GTPBP1: variants seen among roughly 807,000 people sequenced by gnomAD.
GTPBP1 encodes GTP binding protein 1, also known as GTP-binding protein 1.
Under a neutral mutation model 62.0 loss-of-function variants are expected in GTPBP1, and 23 were observed. The observed-to-expected ratio is 0.37, with a 90% CI of 0.27 to 0.53. GTPBP1 has a LOEUF of 0.53. GTPBP1 is among the 20% of genes least tolerant of loss of function. The pLI, the probability that GTPBP1 is intolerant of heterozygous loss-of-function variation, is 0.89. For missense variants in GTPBP1, 640 were observed against 917.3 expected (o/e 0.70, Z 3.90); for synonymous variants, 344 against 364.4 (o/e 0.94, Z 0.64).
chr22:38,735,316 A>G, downstream of GTPBP1: 1 of 444,592 alleles, frequency 2.2e-6, no homozygotes, highest in Non-Finnish European at 4.5e-6. Context: ...GCCTGGTTAG[A>G]TGTGGGGGCC....
At chr22:38,711,991 C>T (rs1451566694) in intron 2 of GTPBP1, among the ~76,000 whole-genome samples, 1 of 152,124 alleles carries the variant, frequency 6.6e-6, no homozygotes, top group Non-Finnish European at 1.5e-5. Flanking sequence ...AGCAGTTCTT[C>T]TGCCTCAGCC....
chr22:38,742,155 A>G (rs1228834819), downstream of GTPBP1: 7 of 1,116,768 alleles, frequency 6.3e-6, no homozygotes, highest in African/African-American at 1.6e-5. Flanking sequence ...AAAGAAAAAA[A>G]AAAAAGAAAA....
rs1173709259 is a variant in GTPBP1 at position 38,715,896 on chromosome 22, C to T, written c.305-11C>T. On this transcript the variant is annotated splice_polypyrimidine_tract_variant and intron_variant, in intron 2 of 11. Transcript: ENST00000216044. ...TCCCTCTCCTGCTGATGTCTGGGCT[C>T]TTGTCACCAGATGGGACTGAGTATG... 1.3e-6 allele frequency: 2 copies of T among 1,596,436 alleles called. No individual in the cohort carries two copies. Among genetic ancestry groups the T allele is most frequent in the Non-Finnish European group, 1.7e-6 (2 of 1,170,938 alleles).
chr22:38,733,892 G>A (rs75044142), downstream of GTPBP1, among the ~76,000 whole-genome samples: 86 of 152,324 alleles, frequency 5.6e-4, no homozygotes, highest in Non-Finnish European at 9.7e-4. Flanking sequence ...CCCAGGCTCT[G>A]GACTCTTGCC....
intron 2 of GTPBP1, among the ~76,000 whole-genome samples, chr22:38,714,082 G>T (rs1356288186): frequency 6.6e-6 from 1 of 152,332 alleles, no homozygotes; most frequent in South Asian, 2.1e-4. Context: ...CAGGTGATGC[G>T]TGAGCAGGGT....
chr22:38,711,791 T>C (rs1255043425), intron 2 of GTPBP1, among the ~76,000 whole-genome samples: 2 of 151,962 alleles, frequency 1.3e-5, no homozygotes, highest in Non-Finnish European at 2.9e-5. Context: ...TGCAGTGAGC[T>C]GAGATGGCGA....
intron 1 of GTPBP1, among the ~76,000 whole-genome samples, chr22:38,707,123 A>G (rs150222279): frequency 1.3e-5 from 2 of 152,332 alleles, no homozygotes; most frequent in African/African-American, 4.8e-5. Flanking sequence ...ATTTAAGAAG[A>G]CACCTAATAG....
intron 10 of GTPBP1, chr22:38,728,962 G>GA (rs2092741389): frequency 6.5e-6 from 1 of 153,080 alleles, no homozygotes; most frequent in South Asian, 2.1e-4. Flanking sequence ...TGGTCTCTTC[G>GA]GGAGGCCCTG....
At chr22:38,711,804 G>A (rs928262597) in intron 2 of GTPBP1, among the ~76,000 whole-genome samples, 1 of 151,984 alleles carries the variant, frequency 6.6e-6, no homozygotes, top group African/African-American at 2.4e-5. Context: ...GATGGCGAGA[G>A]TGAGACTCTA....
downstream of GTPBP1, chr22:38,739,091 G>T: frequency 8.3e-7 from 1 of 1,206,864 alleles, no homozygotes. This position sits in a 1 kb window ranked among gnomAD's most constrained non-coding sequence, Gnocchi z 6.7. Flanking sequence ...GATGCCCCAG[G>T]CCTAGCCTTT....
downstream of GTPBP1, among the ~76,000 whole-genome samples, chr22:38,741,839 A>C (rs1483125008): frequency 6.6e-6 from 1 of 152,204 alleles, no homozygotes; most frequent in Non-Finnish European, 1.5e-5. Flanking sequence ...CAGGAAACTG[A>C]GGCTTAGAGA....
At chr22:38,707,698 C>T (rs1009219973) in intron 1 of GTPBP1, among the ~76,000 whole-genome samples, 2 of 152,146 alleles carry the variant, frequency 1.3e-5, no homozygotes, top group East Asian at 1.9e-4. Flanking sequence ...ACGGTAGTAC[C>T]TTCATTTCTT....
intron 2 of GTPBP1, among the ~76,000 whole-genome samples, chr22:38,715,493 G>A (rs573213049): frequency 6.6e-6 from 1 of 152,124 alleles, no homozygotes; most frequent in African/African-American, 2.4e-5. Context: ...AACTGTCCTC[G>A]GCTTCCCCAG....
In GTPBP1 at chr22:38,731,010, TTGTGTGTGTGTGTG is replaced by T. The variant is rs397836314; in HGVS notation, c.*333_*346del. ...TATTATATGTCTCTGTCTCTCTCTA[TTGTGTGTGTGTGTG>T]TGTGTGTGTGTGTGTGTGTGTGTGT... On this transcript the variant is annotated 3_prime_UTR_variant, in exon 12 of 12. Transcript: ENST00000216044. 7.8e-4 allele frequency: 144 copies of T among 183,762 alleles called. 1 individual carries two copies. The East Asian group carries it at 0.016, about 20-fold the overall frequency. The allele number at this position is 183,762 out of a possible 1,614,324, so 11.4% of individuals were successfully genotyped here.
chr22:38,715,239 G>GGA lies in GTPBP1; in HGVS notation c.305-667_305-666insAG, dbSNP rs1442941393. On this transcript the variant is annotated intron_variant, in intron 2 of 11. Transcript: ENST00000216044. ...TGTTACTCCCCTGCCTCAGCCTACG[G>GGA]GTGTCTCAATGCCTGGTGCAGAAGG... Among the ~76,000 whole-genome samples the GGA allele has an allele frequency of 2.0e-5, 3 of 152,104 alleles. No individual in the cohort carries two copies. In the East Asian group the frequency reaches 5.8e-4, roughly 29 times the overall value.
downstream of GTPBP1, chr22:38,736,197 G>A (rs756800474): frequency 4.2e-5 from 60 of 1,423,750 alleles, no homozygotes; most frequent in Middle Eastern, 1.8e-4. Flanking sequence ...CCGAGCAAGC[G>A]TGTGGGGGAA....
At chr22:38,724,929 A>T (rs1444346648) in intron 6 of GTPBP1, among the ~76,000 whole-genome samples, 3 of 151,892 alleles carry the variant, frequency 2.0e-5, no homozygotes. Context: ...GTTCTGCGAG[A>T]CTCTTCATCT....
chr22:38,717,159 T>TA (rs566751510), intron 4 of GTPBP1, among the ~76,000 whole-genome samples, 159 bp downstream of exon 4: 49 of 152,258 alleles, frequency 3.2e-4, no homozygotes, highest in African/African-American at 9.9e-4. Context: ...GTCCTCTGAG[T>TA]AATGGTCTTC....
chr22:38,734,387 G>A (rs559254657), downstream of GTPBP1: 42 of 411,560 alleles, frequency 1.0e-4, no homozygotes, highest in African/African-American at 4.5e-4. Flanking sequence ...CCAAGTGGAC[G>A]TGGCTGGTAG....
Sources: gnomAD v4.1 joint callset for allele counts (sites outside exome capture counted in the v4.1 genomes callset) on GRCh38, gnomAD v4.1.1 for gene constraint, Gnocchi (gnomAD v3.1) non-coding constraint, MANE v1.5 for transcripts, NCBI Gene and HGNC (gene_info 2026-07-23, HGNC 2026-07-21) for gene names.